Variants in PCLO observed in about 807,000 individuals in gnomAD.
PCLO encodes the protein protein piccolo.
In PCLO, 82 loss-of-function variants were observed where a neutral mutation model predicts 427.5. The ratio of observed to expected loss-of-function variants is 0.19; its 90% confidence interval spans 0.16 to 0.23. The LOEUF (loss-of-function observed/expected upper bound fraction) is 0.23. PCLO is among the 10% of genes least tolerant of loss of function. PCLO has a pLI of 1.00. For synonymous variants in PCLO, 2,357 were observed against 2,155.4 expected (o/e 1.09, Z -2.59); for missense variants, 6,239 against 6,115.9 (o/e 1.02, Z -0.67).
At chr7:83,093,492 A>ATATATATATATATATATATTTTTTT in intron 3 of PCLO, among the ~76,000 whole-genome samples, 15 of 59,236 alleles carry the variant, frequency 2.5e-4, no homozygotes, top group Non-Finnish European at 3.3e-4. Context: ...ATATATATAT[A>ATATATATATATATATATATTTTTTT]TTTTTTTTTT....
intron 6 of PCLO, among the ~76,000 whole-genome samples, chr7:82,918,816 C>T (rs1309312496): frequency 6.6e-6 from 1 of 151,776 alleles, no homozygotes; most frequent in Non-Finnish European, 1.5e-5. Context: ...TGATGCCTAA[C>T]AAAGATGTAA....
At chr7:82,786,727 C>T (rs1212423551) in intron 22 of PCLO, among the ~76,000 whole-genome samples, 1 of 152,062 alleles carries the variant, frequency 6.6e-6, no homozygotes, top group Non-Finnish European at 1.5e-5. Context: ...TCTCCTAATG[C>T]TATCCCTCCC....
chr7:83,124,086 G>A (rs4732497), intron 3 of PCLO, among the ~76,000 whole-genome samples: 73,485 of 150,384 alleles, frequency 0.49, 18,816 homozygotes, highest in East Asian at 0.68. Context: ...GGAGGCGGGC[G>A]GATCATGAGG....
At chr7:82,937,434 G>C (rs1794983132) in intron 6 of PCLO, among the ~76,000 whole-genome samples, 1 of 150,794 alleles carries the variant, frequency 6.6e-6, no homozygotes, top group Non-Finnish European at 1.5e-5. Context: ...AATTATTTCA[G>C]TGGTAGAAAA....
At chr7:83,128,493 A>C (rs1339899296) in intron 3 of PCLO, among the ~76,000 whole-genome samples, 5 of 152,126 alleles carry the variant, frequency 3.3e-5, no homozygotes, top group African/African-American at 1.2e-4. Flanking sequence ...CTCCAGAAAA[A>C]CAGTAGCATA....
At chr7:83,093,931 C>T (rs7807609) in intron 3 of PCLO, among the ~76,000 whole-genome samples, 65,369 of 150,366 alleles carry the variant, frequency 0.43, 14,594 homozygotes, top group East Asian at 0.7. Context: ...ATCTCTTACC[C>T]ATTTCCTCCC....
rs559720473 is a variant in PCLO at position 83,025,708 on chromosome 7, G to T, written c.3301-59221C>A. On this transcript the variant is annotated intron_variant, in intron 3 of 24. Transcript: ENST00000333891. ...AATGTTAAGGGCAGCCAGAGAGAAA[G>T]GTTGGGTTACCCTCAAAGGGAAGCC... Among the ~76,000 whole-genome samples, 17 of 152,092 alleles carry T rather than the reference G, an allele frequency of 1.1e-4. No homozygotes were observed. In the South Asian group the frequency reaches 2.9e-3, roughly 26 times the overall value.
chr7:82,878,384 A>G (rs1172240426), intron 10 of PCLO, among the ~76,000 whole-genome samples: 2 of 152,226 alleles, frequency 1.3e-5, no homozygotes. Context: ...ACAAAATTTT[A>G]TTAAACTATG....
intron 3 of PCLO, among the ~76,000 whole-genome samples, chr7:83,117,465 G>A (rs1412459914): frequency 6.6e-6 from 1 of 152,176 alleles, no homozygotes; most frequent in African/African-American, 2.4e-5. Flanking sequence ...TGTCAACAAT[G>A]CAAGGTCTTG....
At chr7:82,895,983 A>G (rs1793895000) in intron 9 of PCLO, among the ~76,000 whole-genome samples, 1 of 151,904 alleles carries the variant, frequency 6.6e-6, no homozygotes, top group Non-Finnish European at 1.5e-5. Context: ...AGATTACTCA[A>G]AGATATCACA....
chr7:82,932,344 T>C (rs943007014), intron 6 of PCLO, among the ~76,000 whole-genome samples: 15 of 152,130 alleles, frequency 9.9e-5, no homozygotes, highest in African/African-American at 3.4e-4. Context: ...AAAAGGTTTG[T>C]TGTGGTAAAT....
intron 22 of PCLO, among the ~76,000 whole-genome samples, chr7:82,767,790 C>T (rs1347938000): frequency 6.6e-6 from 1 of 152,020 alleles, no homozygotes; most frequent in African/African-American, 2.4e-5. Flanking sequence ...TGAGTTGATA[C>T]ACTGATATAT....
intron 9 of PCLO, among the ~76,000 whole-genome samples, chr7:82,901,513 G>A (rs559512649): frequency 1.3e-3 from 197 of 152,104 alleles, no homozygotes; most frequent in African/African-American, 4.6e-3. Flanking sequence ...ACATAGGCAT[G>A]GGCAAGGACT....
chr7:82,806,401 CT>C (rs574444491), intron 20 of PCLO, among the ~76,000 whole-genome samples: 64 of 152,236 alleles, frequency 4.2e-4, no homozygotes, highest in African/African-American at 1.4e-3. Flanking sequence ...ATATTTGTTT[CT>C]TTTCAGGCAT....
intron 6 of PCLO, among the ~76,000 whole-genome samples, chr7:82,935,607 A>T (rs1367745301): frequency 6.6e-6 from 1 of 151,726 alleles, no homozygotes; most frequent in Admixed American, 6.6e-5. Flanking sequence ...ACTTAACTAC[A>T]TTTTCACATG....
chr7:82,901,409 T>C (rs1794035893), intron 9 of PCLO, among the ~76,000 whole-genome samples: 1 of 151,974 alleles, frequency 6.6e-6, no homozygotes, highest in African/African-American at 2.4e-5. Flanking sequence ...CCTTACACCT[T>C]ATACAAAAAT....
intron 6 of PCLO, among the ~76,000 whole-genome samples, chr7:82,940,446 G>A (rs1206103443): frequency 6.6e-6 from 1 of 152,104 alleles, no homozygotes; most frequent in Non-Finnish European, 1.5e-5. Flanking sequence ...ATTTAGATTT[G>A]ATCCAAACCA....
At chr7:82,779,023 ATTAAC>A (rs1345131708) in intron 22 of PCLO, among the ~76,000 whole-genome samples, 2 of 152,142 alleles carry the variant, frequency 1.3e-5, no homozygotes, top group African/African-American at 4.8e-5. Flanking sequence ...ACATTTATAT[ATTAAC>A]TTCTTGTTAA....
chr7:82,954,068 T>C lies in PCLO; in HGVS notation c.6885A>G (p.Ile2295Met). 10 of 1,613,866 alleles carry C rather than the reference T, an allele frequency of 6.2e-6. No individual in the cohort carries two copies. Among genetic ancestry groups the C allele is most frequent in the African/African-American group, 1.3e-5 (1 of 75,032 alleles). ...CTTTCTTCACTGGGTCCTTTTCAGA[T>C]ATAAGTAAGTCAGTAGAAACAGTGT... ...VADTVSTDLLISEKDPVKKAK... is the reference protein window; with the variant it reads ...VADTVSTDLLMSEKDPVKKAK... Residue 2295 changes from isoleucine (I) to methionine (M), a missense_variant, in exon 5 of 25, where the codon ATA (isoleucine) becomes ATG (methionine). Ile to Met is a conservative substitution (Grantham distance 10). This residue lies in a region of PCLO where 4,677 missense variants were observed against 4,468.4 expected (regional missense o/e 1.05). Transcript: ENST00000333891.
Sources: allele counts gnomAD v4.1 joint callset (sites outside exome capture counted in the v4.1 genomes callset), GRCh38; gene constraint gnomAD v4.1.1; regional missense constraint gnomAD v4.1.1; transcripts MANE v1.5; gene names NCBI Gene and HGNC (gene_info 2026-07-23, HGNC 2026-07-21).